ROBO2: variants seen among roughly 807,000 people sequenced by gnomAD.
The protein encoded by ROBO2 is roundabout homolog 2.
A neutral mutation model predicts 160.8 loss-of-function variants in ROBO2; 53 were observed. The observed-to-expected ratio is 0.33, with a 90% CI of 0.26 to 0.41. ROBO2 has a LOEUF of 0.41. Ranked by LOEUF, ROBO2 falls within the 10% of genes least tolerant of loss-of-function variation. The pLI, the probability that ROBO2 is intolerant of heterozygous loss-of-function variation, is 1.00. For synonymous variants in ROBO2, 664 were observed against 611.7 expected (o/e 1.09, Z -1.26); for missense variants, 1,577 against 1,722.4 (o/e 0.92, Z 1.49).
chr3:76,234,340 G>A (rs1704804897), intron 2 of ROBO2, among the ~76,000 whole-genome samples: 1 of 152,166 alleles, frequency 6.6e-6, no homozygotes, highest in Non-Finnish European at 1.5e-5. Context: ...GTTGGGTTGA[G>A]TGGGAATTCT....
chr3:76,527,513 A>C (rs1457141550), intron 2 of ROBO2, among the ~76,000 whole-genome samples: 1 of 152,128 alleles, frequency 6.6e-6, no homozygotes, highest in Non-Finnish European at 1.5e-5. Context: ...GCTGCTCCTC[A>C]GTGACCCAAA....
rs1270919212 is a variant in ROBO2, at chr3:76,216,668, T to G, written c.109+279066T>G. On this transcript the variant is annotated intron_variant, in intron 2 of 26. Coordinates refer to the ROBO2 transcript ENST00000487694. Reference sequence around the variant, plus strand: ...CACCCAGATTCATAAAGCAAGTCCTTAGAGACCTACAAAGAGACTTAGACT... The same window carrying G: ...CACCCAGATTCATAAAGCAAGTCCTGAGAGACCTACAAAGAGACTTAGACT... Among the ~76,000 whole-genome samples the G allele has an allele frequency of 3.9e-5, 6 of 152,188 alleles. No homozygotes were observed. The South Asian group carries it at 8.3e-4, about 21-fold the overall frequency.
At chr3:75,938,061 C>A (rs79490584) in intron 2 of ROBO2, among the ~76,000 whole-genome samples, 8 of 151,530 alleles carry the variant, frequency 5.3e-5, no homozygotes, top group African/African-American at 1.9e-4. Context: ...ATTTCAAGAA[C>A]CTATTCTTAA....
chr3:76,983,172 CT>C (rs2060187841), intron 2 of ROBO2, among the ~76,000 whole-genome samples: 1 of 152,042 alleles, frequency 6.6e-6, no homozygotes, highest in Non-Finnish European at 1.5e-5. Flanking sequence ...GTAATTCCAC[CT>C]ACTCAGGAGG....
chr3:77,172,370 T>G (rs2079723524), intron 2 of ROBO2, among the ~76,000 whole-genome samples: 1 of 152,198 alleles, frequency 6.6e-6, no homozygotes, highest in Non-Finnish European at 1.5e-5. Flanking sequence ...GTATTTCTTT[T>G]TTTGTGAGAA....
At chr3:75,981,951 C>T (rs2107453759) in intron 2 of ROBO2, among the ~76,000 whole-genome samples, 1 of 151,462 alleles carries the variant, frequency 6.6e-6, no homozygotes, top group East Asian at 1.9e-4. Context: ...GGTAACCACC[C>T]TTCTACTTTC....
chr3:77,498,546 T>A (rs1378725198), intron 5 of ROBO2, among the ~76,000 whole-genome samples: 5 of 152,142 alleles, frequency 3.3e-5, no homozygotes, highest in Admixed American at 3.3e-4. Context: ...TTCCATGAAA[T>A]GTGAGATTTG....
At chr3:77,043,767 A>AGATGC (rs1194133002) in intron 1 of ROBO2, among the ~76,000 whole-genome samples, 1 of 152,188 alleles carries the variant, frequency 6.6e-6, no homozygotes, top group Non-Finnish European at 1.5e-5. Context: ...GCCATATATT[A>AGATGC]CATCAATCTG....
intron 2 of ROBO2, among the ~76,000 whole-genome samples, chr3:77,278,887 G>A (rs2060061606): frequency 6.6e-6 from 1 of 152,018 alleles, no homozygotes; most frequent in Admixed American, 6.6e-5. Context: ...CTCTAAAATT[G>A]GCTGTTTTGA....
At chr3:76,852,260 A>G (rs962921195) in intron 2 of ROBO2, among the ~76,000 whole-genome samples, 1 of 152,204 alleles carries the variant, frequency 6.6e-6, no homozygotes, top group Admixed American at 6.5e-5. Flanking sequence ...ATTCTTCTGC[A>G]TCATACCTTC....
intron 2 of ROBO2, among the ~76,000 whole-genome samples, chr3:77,114,699 A>G (rs1033893530): frequency 1.3e-5 from 2 of 152,210 alleles, no homozygotes; most frequent in Non-Finnish European, 2.9e-5. Context: ...TAAAGTGTAC[A>G]AGTAGAGATT....
chr3:77,256,747 G>T (rs560215109), intron 2 of ROBO2, among the ~76,000 whole-genome samples: 17 of 152,154 alleles, frequency 1.1e-4, no homozygotes, highest in Admixed American at 9.2e-4. Flanking sequence ...CAAGGCTCTC[G>T]AGGAACACCA....
intron 2 of ROBO2, among the ~76,000 whole-genome samples, chr3:77,158,080 T>C (rs1191458869): frequency 6.6e-6 from 1 of 152,140 alleles, no homozygotes; most frequent in African/African-American, 2.4e-5. Flanking sequence ...AGTAAAAGGA[T>C]ACTTTAGAGC....
intron 2 of ROBO2, among the ~76,000 whole-genome samples, chr3:76,418,708 A>ACTCAGTTTT (rs1410298657): frequency 1.3e-5 from 2 of 151,276 alleles, no homozygotes; most frequent in Non-Finnish European, 2.9e-5. Flanking sequence ...ACAAAACCAA[A>ACTCAGTTTT]CTCAGTTTTC....
intron 1 of ROBO2, among the ~76,000 whole-genome samples, chr3:77,084,248 A>C: frequency 6.6e-6 from 1 of 152,120 alleles, no homozygotes; most frequent in East Asian, 1.9e-4. Flanking sequence ...TTATTGCCTC[A>C]TTTGAAAGTG....
chr3:76,182,797 GTGT>G (rs1215524187), intron 2 of ROBO2, among the ~76,000 whole-genome samples: 2 of 152,084 alleles, frequency 1.3e-5, no homozygotes, highest in African/African-American at 4.8e-5. Flanking sequence ...TCCCAAAGTG[GTGT>G]TAGTTTTTTC....
intron 2 of ROBO2, among the ~76,000 whole-genome samples, chr3:76,546,739 G>A (rs1405394109): frequency 1.3e-5 from 2 of 151,774 alleles, no homozygotes; most frequent in South Asian, 4.1e-4. Context: ...TATCTTCAGT[G>A]TTTGACAGTA....
At chr3:76,478,706 C>G (rs1003369338) in intron 2 of ROBO2, among the ~76,000 whole-genome samples, 1 of 129,412 alleles carries the variant, frequency 7.7e-6, no homozygotes, top group African/African-American at 3.1e-5. Context: ...TTTTGAGAGA[C>G]ATGCTCACTC....
At chr3:77,477,617 CTCAAAAT>C (rs1219102763) in intron 3 of ROBO2, 46 bp downstream of exon 3, 1 of 1,539,650 alleles carries the variant, frequency 6.5e-7, no homozygotes, top group Non-Finnish European at 9.0e-7. Flanking sequence ...AATTTTCAGT[CTCAAAAT>C]ACAAAATAGA....
Sources: allele counts gnomAD v4.1 joint callset (sites outside exome capture counted in the v4.1 genomes callset), GRCh38; gene constraint gnomAD v4.1.1; transcripts MANE v1.5; gene names NCBI Gene and HGNC (gene_info 2026-07-23, HGNC 2026-07-21).